The following ZFYVE21 variants were observed in gnomAD, a reference collection of about 807,000 sequenced individuals.
ZFYVE21 encodes the protein zinc finger FYVE domain-containing protein 21.
Under a neutral mutation model 29.5 loss-of-function variants are expected in ZFYVE21, and 21 were observed. That is an observed-to-expected ratio of 0.71 (90% confidence interval 0.50 to 1.02). ZFYVE21 has a LOEUF of 1.02. Ranked by LOEUF, ZFYVE21 falls within the 50% of genes least tolerant of loss-of-function variation. The probability of loss-of-function intolerance (pLI) is 0.00; values close to 1 mark genes in which losing one functional copy is unlikely to be tolerated. For missense variants in ZFYVE21, 326 were observed against 335.4 expected (o/e 0.97, Z 0.22); for synonymous variants, 151 against 133.8 (o/e 1.13, Z -0.89).
Position 103,715,960 on chromosome 14 carries a change from A to G in ZFYVE21, c.119A>G (p.Gln40Arg). 5 of 1,396,170 alleles carry G rather than the reference A, an allele frequency of 3.6e-6. No individual in the cohort carries two copies. Among genetic ancestry groups the G allele is most frequent in the Non-Finnish European group, 4.7e-6 (5 of 1,061,736 alleles). 86.5% of individuals were successfully genotyped at this position (1,396,170 alleles called of 1,614,324 possible). A position where few individuals can be genotyped will look rare whatever the true frequency, so the allele number is the denominator to read the frequency against. ...FGSPFGLEEPQWVPDKECRRC... is the reference protein window; with the variant it reads ...FGSPFGLEEPRWVPDKECRRC... ...AGCCCGTTCGGCCTGGAGGAGCCGC[A>G]GTGGGTCCCGGACAAGGAGGTGGGT... Residue 40 changes from glutamine (Q) to arginine (R), a missense_variant, in exon 1 of 7, where the codon CAG becomes CGG. Gln to Arg is a conservative substitution (Grantham distance 43). Coordinates refer to ENST00000311141, the MANE Select transcript of ZFYVE21 (RefSeq NM_024071.4).
At chr14:103,729,724 T>G in intron 5 of ZFYVE21, 1 of 1,522,230 alleles carries the variant, frequency 6.6e-7, no homozygotes, top group Non-Finnish European at 8.8e-7. Context: ...CCATGTTGCT[T>G]TCCTTCCGTT....
intron 1 of ZFYVE21, among the ~76,000 whole-genome samples, chr14:103,719,479 G>T (rs2083855886): frequency 6.6e-6 from 1 of 151,610 alleles, no homozygotes; most frequent in African/African-American, 2.4e-5. Flanking sequence ...AAAAGTCCAG[G>T]TAAGGGAATT....
At chr14:103,719,072 G>GC (rs1269295497) in intron 1 of ZFYVE21, among the ~76,000 whole-genome samples, 1 of 152,168 alleles carries the variant, frequency 6.6e-6, no homozygotes, top group Non-Finnish European at 1.5e-5. Flanking sequence ...GGTGGGATGG[G>GC]CCAGTGGAGG....
intron 5 of ZFYVE21, 41 bp from the exon 6 acceptor site, chr14:103,732,577 CAG>C (rs1237439549): frequency 6.6e-7 from 1 of 1,516,894 alleles, no homozygotes; most frequent in African/African-American, 1.4e-5. Context: ...CCTGGGCACT[CAG>C]GGCCTCCTTT....
chr14:103,721,145 C>T (rs917632534), intron 1 of ZFYVE21, among the ~76,000 whole-genome samples: 9 of 152,104 alleles, frequency 5.9e-5, no homozygotes, highest in South Asian at 4.1e-4. Context: ...TTTCATTGCT[C>T]GCGGCCATCT....
chr14:103,718,032 C>G (rs1366592785), intron 1 of ZFYVE21, among the ~76,000 whole-genome samples: 1 of 152,192 alleles, frequency 6.6e-6, no homozygotes, highest in Non-Finnish European at 1.5e-5. Flanking sequence ...GGACACTGAG[C>G]TACACTGTGC....
In ZFYVE21 at chr14:103,720,971, C is replaced by T. The variant is rs555124545; in HGVS notation, c.138+4992C>T. Among the ~76,000 whole-genome samples the T allele has an allele frequency of 5.9e-5, 9 of 152,192 alleles. No homozygotes were observed. In the South Asian group the frequency reaches 6.2e-4, roughly 11 times the overall value. On this transcript the variant is annotated intron_variant, in intron 1 of 6. Coordinates refer to ENST00000311141, the MANE Select transcript of ZFYVE21 (RefSeq NM_024071.4). ...CCGAGTAGCTGGGACCATAGGTACC[C>T]GCCACCACGCCCAGCTAATTTTTAG...
At chr14:103,725,024 G>A (rs2083909743) in intron 1 of ZFYVE21, 2 of 152,248 alleles carry the variant, frequency 1.3e-5, no homozygotes, top group Admixed American at 6.5e-5. Flanking sequence ...GACCATTTTC[G>A]TGGCAAAAGT....
intron 2 of ZFYVE21, 107 bp downstream of exon 2, chr14:103,726,949 T>TTTTTTTTTTTGTTTTTTTTTG (rs367638180): frequency 1.5e-6 from 1 of 662,544 alleles, no homozygotes; most frequent in Non-Finnish European, 2.2e-6. Context: ...TTATGGCTCG[T>TTTTTTTTTTTGTTTTTTTTTG]TTTTTTTTTT....
chr14:103,726,797 G>C lies in ZFYVE21; in HGVS notation c.144G>C (p.Arg48=). ...EPQWVPDKEC[R]RCMQCDAKFD... Reference sequence around the variant, plus strand: ...CTTTGTCGTGTCTTTCCTAGTGTCGGAGATGTATGCAGTGTGACGCCAAGT... The same window carrying C: ...CTTTGTCGTGTCTTTCCTAGTGTCGCAGATGTATGCAGTGTGACGCCAAGT... The change falls in exon 2 of 7, where the codon CGG becomes CGC. Residue 48 remains arginine (R), a synonymous_variant. Transcript: ENST00000311141. 6.2e-7 allele frequency: 1 copy of C among 1,614,114 alleles called. No homozygotes were observed. Among genetic ancestry groups the C allele is most frequent in the Non-Finnish European group, 8.5e-7 (1 of 1,179,984 alleles).
intron 1 of ZFYVE21, among the ~76,000 whole-genome samples, chr14:103,724,207 C>T (rs540397067): frequency 3.8e-4 from 58 of 152,354 alleles, no homozygotes; most frequent in African/African-American, 1.4e-3. Flanking sequence ...ACCCAGGGGC[C>T]TGTGTTCCAG....
At chr14:103,724,154 C>T (rs927444566) in intron 1 of ZFYVE21, among the ~76,000 whole-genome samples, 6 of 152,334 alleles carry the variant, frequency 3.9e-5, no homozygotes, top group Admixed American at 1.3e-4. Context: ...ATGTCAGAGG[C>T]GCTGGGGGAT....
chr14:103,718,866 A>C (rs1433718642), intron 1 of ZFYVE21, among the ~76,000 whole-genome samples: 1 of 152,216 alleles, frequency 6.6e-6, no homozygotes, highest in Non-Finnish European at 1.5e-5. Flanking sequence ...AGGAGAGAGC[A>C]CGTGCGCGTC....
intron 2 of ZFYVE21, 150 bp downstream of exon 2, chr14:103,726,992 C>G (rs2083933051): frequency 2.6e-6 from 2 of 756,590 alleles, no homozygotes; most frequent in African/African-American, 2.0e-5. Flanking sequence ...GTCGCCCAGG[C>G]TGGAGTGCAG....
intron 1 of ZFYVE21, among the ~76,000 whole-genome samples, chr14:103,718,413 C>T (rs947464795): frequency 6.6e-6 from 1 of 152,176 alleles, no homozygotes; most frequent in Non-Finnish European, 1.5e-5. Flanking sequence ...CACACATGCA[C>T]CTTTCTCCGA....
At chr14:103,727,985 G>A (rs1359581720) in intron 3 of ZFYVE21, 71 bp downstream of exon 3, 17 of 1,507,954 alleles carry the variant, frequency 1.1e-5, no homozygotes, top group Non-Finnish European at 1.5e-5. Context: ...GCGATGCTGT[G>A]GGCTGTGCAC....
At position 103,727,816 on chromosome 14, in the gene ZFYVE21, T is replaced by C; in HGVS notation, c.260T>C (p.Met87Thr). 6.2e-7 allele frequency: 1 copy of C among 1,613,086 alleles called. No individual in the cohort carries two copies. The highest frequency in any genetic ancestry group is 8.5e-7 in the Non-Finnish European group (1 of 1,179,922). Residue 87 changes from methionine to threonine, a missense_variant, in exon 3 of 7, where the codon ATG becomes ACG. Coordinates refer to ENST00000311141, the MANE Select transcript of ZFYVE21 (RefSeq NM_024071.4). ...AGCCAGAAGGTGCCGCTGCGGCGCATGTGCTTTGTGGACCCCGTGCGGCAG... is the reference window on the plus strand; with the variant it reads ...AGCCAGAAGGTGCCGCTGCGGCGCACGTGCTTTGTGGACCCCGTGCGGCAG... ...CCSQKVPLRR[M>T]CFVDPVRQCA...
chr14:103,726,914 C>G, intron 2 of ZFYVE21, 72 bp downstream of exon 2: 9 of 1,486,336 alleles, frequency 6.1e-6, no homozygotes, highest in African/African-American at 1.4e-5. Flanking sequence ...GCCGCTGCCC[C>G]TTCTGGCAGG....
chr14:103,727,587 G>A, intron 2 of ZFYVE21, 159 bp from the exon 3 acceptor site: 1 of 890,442 alleles, frequency 1.1e-6, no homozygotes, highest in Non-Finnish European at 1.8e-6. Context: ...GCGTGGTGGG[G>A]AGCCCAGGGG....
Sources: allele counts gnomAD v4.1 joint callset (sites outside exome capture counted in the v4.1 genomes callset), GRCh38; gene constraint gnomAD v4.1.1; transcripts MANE v1.5; gene names NCBI Gene and HGNC (gene_info 2026-07-23, HGNC 2026-07-21).